The following PPP6R2 variants were observed in gnomAD, a reference collection of about 807,000 sequenced individuals.
PPP6R2 encodes the protein serine/threonine-protein phosphatase 6 regulatory subunit 2.
A neutral mutation model predicts 100.2 loss-of-function variants in PPP6R2; 62 were observed. The observed-to-expected ratio is 0.62, with a 90% CI of 0.50 to 0.76. The LOEUF is 0.76. Ranked by LOEUF, PPP6R2 falls within the 30% of genes least tolerant of loss-of-function variation. The probability of loss-of-function intolerance (pLI) is 0.00; values close to 1 mark genes in which losing one functional copy is unlikely to be tolerated. For synonymous variants in PPP6R2, 525 were observed against 514.7 expected, an observed-to-expected ratio of 1.02 and a Z score of -0.27; for missense variants, 1,142 against 1,276.3, an observed-to-expected ratio of 0.89 and a Z score of 1.60.
At chr22:50,402,857 A>G (rs2058270321) in intron 3 of PPP6R2, among the ~76,000 whole-genome samples, 1 of 152,188 alleles carries the variant, frequency 6.6e-6, no homozygotes. Flanking sequence ...CTCCATCTAG[A>G]GAATCAGTGT....
rs35963538 is a variant in PPP6R2, at chr22:50,443,262, T to C, written c.2580-604T>C. 5.6e-3 allele frequency: 854 copies of C among 153,370 alleles called. 3 individuals carry two copies. The highest frequency in any genetic ancestry group is 7.7e-3 in the Non-Finnish European group (532 of 68,724). The allele number at this position is 153,370 out of a possible 1,614,324, so 9.5% of individuals were successfully genotyped here. ...AGTAAGTTGTTTTTTTCCACGGGGC[T>C]GTCTGCGTAAAACTTGCCACTTAGA... is the stretch of plus-strand genomic sequence containing the variant. On this transcript the variant is annotated intron_variant, in intron 22 of 23. Coordinates refer to ENST00000612753, the MANE Select transcript of PPP6R2 (RefSeq NM_001242898.2).
chr22:50,409,687 A>G lies in PPP6R2; in HGVS notation c.414+2812A>G, dbSNP rs549933729. Among the ~76,000 whole-genome samples the G allele has an allele frequency of 2.2e-3, 327 of 151,878 alleles. 1 individual carries two copies. The highest frequency in any genetic ancestry group is 7.7e-3 in the African/African-American group (319 of 41,364). ...GTGATCCGCCCACCTTGGCCTCCCAAAGTGTTGGGATTACAGGCGTAAGCC... is the reference window on the plus strand; with the variant it reads ...GTGATCCGCCCACCTTGGCCTCCCAGAGTGTTGGGATTACAGGCGTAAGCC... On this transcript the variant is annotated intron_variant, in intron 4 of 23. Coordinates refer to ENST00000612753, the MANE Select transcript of PPP6R2 (RefSeq NM_001242898.2).
chr22:50,346,734 G>A (rs1047009936), intron 1 of PPP6R2, among the ~76,000 whole-genome samples: 5 of 145,666 alleles, frequency 3.4e-5, no homozygotes, highest in Non-Finnish European at 6.0e-5. Context: ...TGCCTCCACT[G>A]TTGGTCAGTG....
chr22:50,369,712 G>T (rs369755457), intron 1 of PPP6R2, among the ~76,000 whole-genome samples: 2 of 152,072 alleles, frequency 1.3e-5, no homozygotes, highest in South Asian at 2.1e-4. Context: ...TCACCATGTT[G>T]GCCAGGCTGG....
intron 3 of PPP6R2, among the ~76,000 whole-genome samples, chr22:50,401,070 G>T (rs528907440): frequency 6.6e-6 from 1 of 151,806 alleles, no homozygotes; most frequent in Non-Finnish European, 1.5e-5. Context: ...ATTATTTTTT[G>T]TTTGTTTTTT....
At chr22:50,405,497 G>A (rs1441115554) in intron 3 of PPP6R2, among the ~76,000 whole-genome samples, 1 of 138,664 alleles carries the variant, frequency 7.2e-6, no homozygotes, top group African/African-American at 2.7e-5. Context: ...CCTGGCAGAC[G>A]AGTGTGAAGG....
chr22:50,334,531 A>G, the PPP6R2 span, among the ~76,000 whole-genome samples: 2 of 152,174 alleles, frequency 1.3e-5, no homozygotes, highest in African/African-American at 4.8e-5. Context: ...CTCGTCGTAT[A>G]TGTTTCCTTT....
intron 3 of PPP6R2, among the ~76,000 whole-genome samples, chr22:50,406,267 G>C (rs1340859118): frequency 6.8e-6 from 1 of 146,814 alleles, no homozygotes; most frequent in African/African-American, 2.5e-5. Flanking sequence ...CGAGTGTGAA[G>C]GCCTAGAGGG....
chr22:50,442,645 G>T (rs552694257), intron 22 of PPP6R2, among the ~76,000 whole-genome samples: 29 of 152,212 alleles, frequency 1.9e-4, no homozygotes, highest in Admixed American at 1.0e-3. Flanking sequence ...CGCCTCCCGG[G>T]TTCACGCCAT....
chr22:50,337,553 G>C, the PPP6R2 span, among the ~76,000 whole-genome samples: 1 of 147,460 alleles, frequency 6.8e-6, no homozygotes, highest in Admixed American at 6.8e-5. Context: ...TGTGTGGTGT[G>C]TGTGGGGTCT....
intron 2 of PPP6R2, among the ~76,000 whole-genome samples, chr22:50,375,862 A>G (rs1247495438): frequency 8.1e-5 from 3 of 36,824 alleles, no homozygotes; most frequent in Non-Finnish European, 1.3e-4. Context: ...TTTTTTTGAG[A>G]TGGAGTCTTG....
intron 3 of PPP6R2, among the ~76,000 whole-genome samples, chr22:50,394,600 TAAA>T (rs67708136): frequency 1.0e-3 from 81 of 80,564 alleles, no homozygotes; most frequent in African/African-American, 4.0e-3. Context: ...ACCCTGTCTT[TAAA>T]AAAAAAAAAA....
chr22:50,365,945 C>T (rs921137055), intron 1 of PPP6R2, among the ~76,000 whole-genome samples: 2 of 151,970 alleles, frequency 1.3e-5, no homozygotes, highest in African/African-American at 4.8e-5. Context: ...TTGTTTTTCC[C>T]CTCATTATGG....
intron 1 of PPP6R2, among the ~76,000 whole-genome samples, chr22:50,359,815 T>TG (rs977923098): frequency 1.3e-5 from 2 of 152,174 alleles, no homozygotes; most frequent in African/African-American, 2.4e-5. Flanking sequence ...TCTTTGGTTT[T>TG]GGTATCAAGG....
chr22:50,373,635 A>G (rs1398620899), intron 2 of PPP6R2, among the ~76,000 whole-genome samples: 2 of 151,872 alleles, frequency 1.3e-5, no homozygotes, highest in African/African-American at 2.4e-5. Flanking sequence ...CACCACAACC[A>G]TGTACACCTA....
At chr22:50,383,173 G>A (rs1363546042) in intron 2 of PPP6R2, among the ~76,000 whole-genome samples, 1 of 152,084 alleles carries the variant, frequency 6.6e-6, no homozygotes, top group Non-Finnish European at 1.5e-5. Flanking sequence ...AGGGGTCCAT[G>A]AATACTCAAG....
intron 8 of PPP6R2, among the ~76,000 whole-genome samples, chr22:50,420,172 G>A (rs2061130919): frequency 6.6e-6 from 1 of 152,174 alleles, no homozygotes; most frequent in South Asian, 2.1e-4. Flanking sequence ...CAGTGCCTCG[G>A]GGCTCACAAG....
At chr22:50,359,373 C>T (rs968465282) in intron 1 of PPP6R2, among the ~76,000 whole-genome samples, 1 of 152,054 alleles carries the variant, frequency 6.6e-6, no homozygotes, top group Non-Finnish European at 1.5e-5. Flanking sequence ...CGCCCACCAC[C>T]GCACCCGGCT....
chr22:50,414,639 C>T lies in PPP6R2; in HGVS notation c.502C>T (p.Arg168Cys), dbSNP rs145732437. ...CTCAGCGCTTATGGACCTGCTGCTG[C>T]GCCTGGTCAGCTGTGTGGAGCCAGC... ...GTSALMDLLL[R>C]LVSCVEPAGL... The change falls in exon 5 of 24, where the codon CGC becomes TGC. Residue 168 changes from arginine to cysteine, a missense_variant. Physicochemically the swap from Arg to Cys is radical, Grantham distance 180. Coordinates refer to ENST00000612753, the MANE Select transcript of PPP6R2 (RefSeq NM_001242898.2). 2.4e-4 allele frequency: 385 copies of T among 1,613,470 alleles called. No homozygotes were observed. Among genetic ancestry groups the T allele is most frequent in the Non-Finnish European group, 3.0e-4 (356 of 1,179,996 alleles).
Sources: gnomAD v4.1 joint callset for allele counts (sites outside exome capture counted in the v4.1 genomes callset) on GRCh38, gnomAD v4.1.1 for gene constraint, MANE v1.5 for transcripts, NCBI Gene and HGNC (gene_info 2026-07-23, HGNC 2026-07-21) for gene names.